NELL1: variants seen among roughly 807,000 people sequenced by gnomAD.
NELL1 encodes neural EGFL like 1, also known as protein kinase C-binding protein NELL1.
NELL1 carries 76 observed loss-of-function variants against 107.4 expected under a neutral mutation model. The observed-to-expected ratio is 0.71, with a 90% CI of 0.59 to 0.86. NELL1 has a LOEUF of 0.86. Ranked by LOEUF, NELL1 falls within the 40% of genes least tolerant of loss-of-function variation. NELL1 has a pLI of 0.00. For missense variants in NELL1, 1,024 were observed against 1,005.5 expected (o/e 1.02, Z -0.25); for synonymous variants, 353 against 341.2 (o/e 1.03, Z -0.38).
intron 2 of NELL1, among the ~76,000 whole-genome samples, chr11:20,728,582 A>C (rs936989974): frequency 6.9e-6 from 1 of 144,306 alleles, no homozygotes; most frequent in East Asian, 2.1e-4. Flanking sequence ...TTCATTGCTT[A>C]TTTTTTTTTT....
chr11:20,744,933 G>T (rs1855970369), intron 2 of NELL1, among the ~76,000 whole-genome samples: 1 of 152,132 alleles, frequency 6.6e-6, no homozygotes, highest in South Asian at 2.1e-4. Context: ...TCACAAGTCT[G>T]CCACTCATTA....
In NELL1 at chr11:21,362,316, G is replaced by A. The variant is rs530336640; in HGVS notation, c.1550-8537G>A. On this transcript the variant is annotated intron_variant, in intron 14 of 19. Coordinates refer to ENST00000357134, the MANE Select transcript of NELL1 (RefSeq NM_006157.5). Reference sequence around the variant, plus strand: ...ACCATGCTCCAGGCTGGTGGTAGAGGGGGTCTGCAAAAGTCCTGTGATGTA... The same window carrying A: ...ACCATGCTCCAGGCTGGTGGTAGAGAGGGTCTGCAAAAGTCCTGTGATGTA... 2.8e-4 allele frequency among the ~76,000 whole-genome samples: 43 copies of A among 152,294 alleles called. 1 individual carries two copies. In the South Asian group the frequency reaches 8.1e-3, roughly 29 times the overall value.
rs149704138 is a variant in NELL1, at chr11:21,050,337, G to A, written c.1301-63252G>A. Among the ~76,000 whole-genome samples, 202 of 151,600 alleles carry A rather than the reference G, an allele frequency of 1.3e-3. 1 individual carries two copies. Among genetic ancestry groups the A allele is most frequent in the African/African-American group, 4.8e-3 (198 of 41,312 alleles). On this transcript the variant is annotated intron_variant, in intron 12 of 19. Coordinates refer to ENST00000357134, the MANE Select transcript of NELL1 (RefSeq NM_006157.5). ...AACTAATAATTTTAATCAGATTCCT[G>A]GAAGTGACAATCTGAATAGAGATTA...
At chr11:21,327,597 G>T (rs72953414) in intron 14 of NELL1, among the ~76,000 whole-genome samples, 1 of 152,040 alleles carries the variant, frequency 6.6e-6, no homozygotes, top group Admixed American at 6.6e-5. Flanking sequence ...GTGTAGTGGG[G>T]CACCACTGGA....
chr11:21,089,221 G>A (rs561438447), intron 12 of NELL1, among the ~76,000 whole-genome samples: 1 of 152,312 alleles, frequency 6.6e-6, no homozygotes, highest in South Asian at 2.1e-4. Flanking sequence ...GCTTACAAAA[G>A]TGAATCATGT....
At chr11:20,697,395 C>CTTT (rs200467344) in intron 2 of NELL1, among the ~76,000 whole-genome samples, 6 of 107,466 alleles carry the variant, frequency 5.6e-5, no homozygotes, top group African/African-American at 2.2e-4. Flanking sequence ...TAATATGTTG[C>CTTT]TTTTTTTTTT....
chr11:20,718,000 G>A (rs960853605), intron 2 of NELL1, among the ~76,000 whole-genome samples: 1 of 152,148 alleles, frequency 6.6e-6, no homozygotes, highest in African/African-American at 2.4e-5. Context: ...GCTAATCTCT[G>A]ACTTCTCCCT....
chr11:20,887,477 T>C (rs761240994), intron 5 of NELL1, among the ~76,000 whole-genome samples: 13 of 152,174 alleles, frequency 8.5e-5, no homozygotes, highest in Non-Finnish European at 1.8e-4. Context: ...TCTATGAAAA[T>C]TTCAGTTAGA....
At chr11:21,300,007 A>C (rs1849460365) in intron 14 of NELL1, among the ~76,000 whole-genome samples, 1 of 152,012 alleles carries the variant, frequency 6.6e-6, no homozygotes, top group South Asian at 2.1e-4. Flanking sequence ...TGACTTTCGT[A>C]GAGAAATTAG....
chr11:21,492,999 A>T (rs1241233419), intron 15 of NELL1, among the ~76,000 whole-genome samples: 2 of 152,202 alleles, frequency 1.3e-5, no homozygotes, highest in South Asian at 4.1e-4. Context: ...AATATCACTA[A>T]GCATCATGAA....
intron 12 of NELL1, among the ~76,000 whole-genome samples, chr11:21,109,560 A>G (rs1011023119): frequency 8.5e-5 from 13 of 152,140 alleles, no homozygotes; most frequent in African/African-American, 2.7e-4. Flanking sequence ...CCACCTGGGC[A>G]AAGGTCAGAC....
chr11:21,392,146 T>C (rs1447371532), intron 15 of NELL1, among the ~76,000 whole-genome samples: 1 of 151,862 alleles, frequency 6.6e-6, no homozygotes. Context: ...AACTATGTTC[T>C]GACCTTTGTG....
chr11:20,908,479 C>A (rs1162965637), intron 5 of NELL1, among the ~76,000 whole-genome samples: 1 of 152,146 alleles, frequency 6.6e-6, no homozygotes, highest in African/African-American at 2.4e-5. Context: ...ACCACATGTT[C>A]TCACTCATAA....
At chr11:20,870,215 CCAAGTT>C (rs1849170870) in intron 4 of NELL1, among the ~76,000 whole-genome samples, 1 of 152,102 alleles carries the variant, frequency 6.6e-6, no homozygotes, top group African/African-American at 2.4e-5. Flanking sequence ...AGGCTACATC[CCAAGTT>C]CAGTGGTTAA....
chr11:21,213,258 C>G (rs1005818246), intron 13 of NELL1, among the ~76,000 whole-genome samples: 2 of 152,066 alleles, frequency 1.3e-5, no homozygotes, highest in Non-Finnish European at 2.9e-5. Flanking sequence ...CATACTGTAT[C>G]CATGGATTAG....
At chr11:20,809,049 T>C (rs565969465) in intron 3 of NELL1, among the ~76,000 whole-genome samples, 1 of 152,270 alleles carries the variant, frequency 6.6e-6, no homozygotes, top group South Asian at 2.1e-4. Context: ...GGGAAGATAA[T>C]TGTTGTAGGC....
chr11:20,752,272 A>G (rs10766724), intron 2 of NELL1, among the ~76,000 whole-genome samples: 120,084 of 152,194 alleles, frequency 0.79, 47,719 homozygotes, highest in Middle Eastern at 0.9. Context: ...ATCCTTGGCC[A>G]GGTGTGGTGG....
At chr11:21,098,768 T>A (rs529821194) in intron 12 of NELL1, among the ~76,000 whole-genome samples, 1 of 152,200 alleles carries the variant, frequency 6.6e-6, no homozygotes, top group Admixed American at 6.5e-5. Context: ...AGATCAGCAT[T>A]TGATAATAAA....
intron 12 of NELL1, among the ~76,000 whole-genome samples, chr11:21,064,321 A>G (rs1000455433): frequency 1.3e-5 from 2 of 152,186 alleles, no homozygotes; most frequent in Non-Finnish European, 2.9e-5. Flanking sequence ...AAAACGGACT[A>G]TAACAAACAA....
Sources: gnomAD v4.1 joint callset for allele counts (sites outside exome capture counted in the v4.1 genomes callset) on GRCh38, gnomAD v4.1.1 for gene constraint, MANE v1.5 for transcripts, NCBI Gene and HGNC (gene_info 2026-07-23, HGNC 2026-07-21) for gene names.